GREB1L: variants seen among roughly 807,000 people sequenced by gnomAD.
GREB1L encodes the protein GREB1-like protein.
Under a neutral mutation model 200.8 loss-of-function variants are expected in GREB1L, and 17 were observed. That is an observed-to-expected ratio of 0.08 (90% CI 0.06 to 0.13). The LOEUF (loss-of-function observed/expected upper bound fraction) is 0.13, where lower values mean the gene tolerates loss of function less well. Ranked by LOEUF, GREB1L falls within the 10% of genes least tolerant of loss-of-function variation. The pLI, the probability that GREB1L is intolerant of heterozygous loss-of-function variation, is 1.00. For synonymous variants in GREB1L, 789 were observed against 893.0 expected (o/e 0.88, Z 2.08); for missense variants, 1,657 against 2,367.7 (o/e 0.70, Z 6.23).
intron 1 of GREB1L, among the ~76,000 whole-genome samples, chr18:21,345,166 A>G (rs1317310591): frequency 2.0e-5 from 3 of 152,176 alleles, no homozygotes; most frequent in Non-Finnish European, 4.4e-5. Flanking sequence ...TTCAGACCCT[A>G]TTAGATTACT....
chr18:21,365,135 G>A (rs539152937), intron 1 of GREB1L, among the ~76,000 whole-genome samples: 235 of 151,700 alleles, frequency 1.5e-3, no homozygotes, highest in African/African-American at 5.6e-3. Context: ...TTTCAAGTCG[G>A]CATAAGAGAA....
At chr18:21,465,725 T>C (rs2145610800) in intron 15 of GREB1L, among the ~76,000 whole-genome samples, 1 of 152,280 alleles carries the variant, frequency 6.6e-6, no homozygotes, top group African/African-American at 2.4e-5. Flanking sequence ...CCTCAAATAG[T>C]TTCTAAAACA....
At chr18:21,359,541 C>T (rs2039553280) in intron 1 of GREB1L, among the ~76,000 whole-genome samples, 1 of 152,170 alleles carries the variant, frequency 6.6e-6, no homozygotes. Context: ...TGGTATTAGA[C>T]TTCAAAGTGA....
intron 1 of GREB1L, among the ~76,000 whole-genome samples, chr18:21,325,609 G>GT (rs2039010459): frequency 6.6e-6 from 1 of 151,968 alleles, no homozygotes; most frequent in Non-Finnish European, 1.5e-5. Context: ...GGGCCCAGGA[G>GT]TTTGAGACAA....
At chr18:21,434,499 ATGTG>A (rs67516917) in intron 7 of GREB1L, among the ~76,000 whole-genome samples, 3,898 of 126,894 alleles carry the variant, frequency 0.031, 84 homozygotes, top group Non-Finnish European at 0.044. Context: ...ATATATATAT[ATGTG>A]TGTGTGTGTG....
intron 2 of GREB1L, among the ~76,000 whole-genome samples, chr18:21,376,709 G>T (rs1272740437): frequency 6.6e-6 from 1 of 150,592 alleles, no homozygotes; most frequent in Admixed American, 6.6e-5. Flanking sequence ...GGAGGCTGAG[G>T]CAGGAGAGTG....
chr18:21,459,279 C>CTTTTTTTTTTTTTTTTTTTTTTTTTATT (rs746568414), intron 15 of GREB1L, among the ~76,000 whole-genome samples: 1 of 85,918 alleles, frequency 1.2e-5, no homozygotes, highest in Non-Finnish European at 2.1e-5. Context: ...TTTTTCTTTA[C>CTTTTTTTTTTTTTTTTTTTTTTTTTATT]TTTTTTTTTT....
At chr18:21,324,607 G>A (rs1315497403) in intron 1 of GREB1L, among the ~76,000 whole-genome samples, 2 of 152,270 alleles carry the variant, frequency 1.3e-5, no homozygotes, top group Non-Finnish European at 2.9e-5. Context: ...TCAGGAGATC[G>A]AGAACATCCT....
intron 25 of GREB1L, among the ~76,000 whole-genome samples, chr18:21,506,242 A>G (rs2037013653): frequency 6.6e-6 from 1 of 152,058 alleles, no homozygotes; most frequent in Admixed American, 6.6e-5. Context: ...AAAAATACAA[A>G]AAATTAGCCG....
At chr18:21,435,870 C>T (rs291785) in intron 7 of GREB1L, among the ~76,000 whole-genome samples, 78,669 of 151,826 alleles carry the variant, frequency 0.52, 23,772 homozygotes, top group African/African-American at 0.84. Flanking sequence ...GGCTGTAATG[C>T]GTAAGAAGAA....
At position 21,429,759 on chromosome 18, in the gene GREB1L, A is replaced by G. The variant is rs73425729; in HGVS notation, c.833-9762A>G. 7.9e-3 allele frequency among the ~76,000 whole-genome samples: 1,199 copies of G among 152,162 alleles called. 19 individuals are homozygous for G. Among genetic ancestry groups the G allele is most frequent in the African/African-American group, 0.028 (1,153 of 41,496 alleles). On this transcript the variant is annotated intron_variant, in intron 7 of 32. Transcript: ENST00000424526. ...AGAATTTTTCTCTCTCCTTGAGTCA[A>G]TTTTGATCATTTCTGTCCTAAGAAT...
chr18:21,366,289 C>T (rs955824173), intron 2 of GREB1L, among the ~76,000 whole-genome samples, 153 bp downstream of exon 2: 4 of 151,964 alleles, frequency 2.6e-5, no homozygotes, highest in Admixed American at 6.6e-5. Flanking sequence ...CTTTCCTCTC[C>T]CCTCCCCCAT....
chr18:21,442,826 A>G (rs1214240950), intron 10 of GREB1L, among the ~76,000 whole-genome samples: 1 of 148,226 alleles, frequency 6.7e-6, no homozygotes, highest in Non-Finnish European at 1.5e-5. Flanking sequence ...CTCCAGGTGG[A>G]TAGTGTCAGA....
intron 11 of GREB1L, among the ~76,000 whole-genome samples, chr18:21,447,374 A>G (rs1047026729): frequency 6.6e-6 from 1 of 152,216 alleles, no homozygotes; most frequent in Non-Finnish European, 1.5e-5. Flanking sequence ...ATTTTACTCT[A>G]AGAAGTCTCT....
intron 1 of GREB1L, among the ~76,000 whole-genome samples, chr18:21,363,299 C>CT (rs1225413701): frequency 1.9e-5 from 2 of 105,576 alleles, no homozygotes; most frequent in South Asian, 8.2e-4. Flanking sequence ...CCCCCCCCCC[C>CT]CACACACACA....
rs1383619296 is a variant in GREB1L at position 21,525,311 on chromosome 18, T to TCTAC, written c.*2493_*2496dup. 4.6e-5 allele frequency: 7 copies of TCTAC among 152,234 alleles called. No homozygotes were observed. The highest frequency in any genetic ancestry group is 1.7e-4 in the African/African-American group (7 of 41,474). The allele number at this position is 152,234 out of a possible 1,614,324, so 9.4% of individuals were successfully genotyped here. ...ACCAAAATTTGGTGAATTTCACTAG[T>TCTAC]CTACCTCACATTTTGTTAATGATTC... On this transcript the variant is annotated 3_prime_UTR_variant, in exon 33 of 33. Transcript: ENST00000424526.
chr18:21,503,714 T>C (rs954747042), intron 23 of GREB1L, among the ~76,000 whole-genome samples: 7 of 151,704 alleles, frequency 4.6e-5, no homozygotes, highest in Non-Finnish European at 1.0e-4. Context: ...GTAGCTGGGA[T>C]TAAAGGCATG....
intron 1 of GREB1L, among the ~76,000 whole-genome samples, chr18:21,330,948 T>A (rs2039098218): frequency 1.3e-5 from 2 of 152,242 alleles, no homozygotes; most frequent in Admixed American, 1.3e-4. Context: ...AATGGAAATG[T>A]CCATCTGCAT....
At chr18:21,358,756 G>A (rs968811972) in intron 1 of GREB1L, among the ~76,000 whole-genome samples, 10 of 152,254 alleles carry the variant, frequency 6.6e-5, no homozygotes, top group African/African-American at 1.7e-4. Flanking sequence ...CTCAGGTGAC[G>A]GGTGCACCGA....
Sources: gnomAD v4.1 joint callset for allele counts (sites outside exome capture counted in the v4.1 genomes callset) on GRCh38, gnomAD v4.1.1 for gene constraint, MANE v1.5 for transcripts, NCBI Gene and HGNC (gene_info 2026-07-23, HGNC 2026-07-21) for gene names.